TMOD1: variants seen among roughly 807,000 people sequenced by gnomAD.
The protein encoded by TMOD1 is tropomodulin 1.
TMOD1 carries 17 observed loss-of-function variants against 40.6 expected under a neutral mutation model. The ratio of observed to expected loss-of-function variants is 0.42; its 90% CI spans 0.29 to 0.63. The LOEUF (loss-of-function observed/expected upper bound fraction) is 0.63. TMOD1 is among the 20% of genes least tolerant of loss of function. The pLI is 0.22. For synonymous variants in TMOD1, 181 were observed against 175.0 expected, an observed-to-expected ratio of 1.03 and a Z score of -0.27; for missense variants, 391 against 447.6, an observed-to-expected ratio of 0.87 and a Z score of 1.14.
intron 7 of TMOD1, among the ~76,000 whole-genome samples, chr9:97,567,512 A>G (rs1309796111): frequency 6.6e-6 from 1 of 152,236 alleles, no homozygotes; most frequent in Non-Finnish European, 1.5e-5. Context: ...ACCTGGCAAG[A>G]CAGGGCCTCC....
chr9:97,559,577 C>A (rs1236276881), intron 4 of TMOD1, among the ~76,000 whole-genome samples: 1 of 150,626 alleles, frequency 6.6e-6, no homozygotes, highest in African/African-American at 2.4e-5. Context: ...CCAGCCCGGG[C>A]AACATGGTGA....
chr9:97,526,464 A>G (rs1038911533), intron 2 of TMOD1, among the ~76,000 whole-genome samples: 2 of 152,240 alleles, frequency 1.3e-5, no homozygotes, highest in African/African-American at 2.4e-5. Context: ...GCTATATCCC[A>G]GGCACCCAGG....
intron 2 of TMOD1, among the ~76,000 whole-genome samples, chr9:97,534,039 G>T (rs1377085855): frequency 6.6e-6 from 1 of 152,108 alleles, no homozygotes; most frequent in Admixed American, 6.5e-5. Flanking sequence ...GGGAGGGGGA[G>T]GGATAAAAGA....
At chr9:97,575,165 G>A (rs577284892) in intron 8 of TMOD1, among the ~76,000 whole-genome samples, 2 of 152,290 alleles carry the variant, frequency 1.3e-5, no homozygotes, top group Admixed American at 1.3e-4. Context: ...TCACCGCGAA[G>A]GTCTGCAGCT....
At chr9:97,521,811 G>A (rs755060465) in intron 1 of TMOD1, among the ~76,000 whole-genome samples, 1 of 152,222 alleles carries the variant, frequency 6.6e-6, no homozygotes, top group Non-Finnish European at 1.5e-5. Context: ...CAAATAGGCC[G>A]ACACATGCAC....
chr9:97,564,183 T>C lies in TMOD1; in HGVS notation c.618+15T>C. On this transcript the variant is annotated intron_variant, in intron 6 of 9. Coordinates refer to ENST00000259365, the MANE Select transcript of TMOD1 (RefSeq NM_003275.4). The stretch of plus-strand genomic sequence containing the variant: ...ATAATATCCGGGTAAGGTCCATTTA[T>C]TTCACTTTACCTGTGTGTGGCTGGG... The C allele has an allele frequency of 1.3e-6, 2 of 1,574,720 alleles. No homozygotes were observed. The highest frequency in any genetic ancestry group is 1.7e-6 in the Non-Finnish European group (2 of 1,159,194).
chr9:97,556,467 C>T (rs1457878752), intron 4 of TMOD1, among the ~76,000 whole-genome samples: 1 of 152,120 alleles, frequency 6.6e-6, no homozygotes, highest in Admixed American at 6.5e-5. Context: ...GTGTGGGTAA[C>T]TCACTGGAGG....
intron 3 of TMOD1, among the ~76,000 whole-genome samples, chr9:97,548,624 C>T (rs189478587): frequency 6.8e-4 from 104 of 152,188 alleles, no homozygotes; most frequent in Admixed American, 1.1e-3. Flanking sequence ...GGAGTCTGAA[C>T]GGTACAGAAA....
chr9:97,541,038 T>A (rs1305612995), intron 2 of TMOD1, among the ~76,000 whole-genome samples: 1 of 152,212 alleles, frequency 6.6e-6, no homozygotes, highest in Non-Finnish European at 1.5e-5. Flanking sequence ...GCCATCCTGC[T>A]GGCTGTGAAA....
intron 2 of TMOD1, among the ~76,000 whole-genome samples, chr9:97,525,837 A>G (rs1830006630): frequency 6.6e-6 from 1 of 152,158 alleles, no homozygotes; most frequent in African/African-American, 2.4e-5. Flanking sequence ...CTTCCATTTT[A>G]ATGGAATTGT....
At position 97,600,983 on chromosome 9, in the gene TMOD1, A is replaced by G. The variant is rs1463329601; in HGVS notation, c.*1285A>G. ...AATCTCATGATAAAGGACAAGGTCA[A>G]GAACTCCAGAGCACTGAGCAGAGAG... On this transcript the variant is annotated 3_prime_UTR_variant, in exon 10 of 10. Transcript: ENST00000259365. The G allele has an allele frequency of 2.5e-6, 3 of 1,210,558 alleles. No individual in the cohort carries two copies. The highest frequency in any genetic ancestry group is 1.3e-4 in the East Asian group (2 of 15,080). The allele number at this position is 1,210,558 out of a possible 1,614,324, so 75.0% of individuals were successfully genotyped here.
Position 97,600,566 on chromosome 9 carries a change from A to T in TMOD1, c.*868A>T. On this transcript the variant is annotated 3_prime_UTR_variant, in exon 10 of 10. Transcript: ENST00000259365. ...GCAAATGGCTTATGTGAGGTAAGACACTAGAGGGATAAATTTCCAGATCAA... is the reference window on the plus strand; with the variant it reads ...GCAAATGGCTTATGTGAGGTAAGACTCTAGAGGGATAAATTTCCAGATCAA... The T allele has an allele frequency of 1.0e-6, 1 of 986,448 alleles. No individual in the cohort carries two copies. The highest frequency in any genetic ancestry group is 1.2e-6 in the Non-Finnish European group (1 of 830,682). The allele number at this position is 986,448 out of a possible 1,614,324, so 61.1% of individuals were successfully genotyped here. A position where few individuals can be genotyped will look rare whatever the true frequency, so the allele number is the denominator to read the frequency against.
At chr9:97,546,128 C>CTCTCTT in intron 2 of TMOD1, 57 bp from the exon 3 acceptor site, 2 of 1,540,460 alleles carry the variant, frequency 1.3e-6, no homozygotes, top group South Asian at 1.3e-5. Flanking sequence ...GCTGACCACT[C>CTCTCTT]TCTCTTTCTC....
chr9:97,599,628 T>G lies in TMOD1; in HGVS notation c.1016-6T>G. On this transcript the variant is annotated splice_polypyrimidine_tract_variant and splice_region_variant and intron_variant, in intron 9 of 9. Transcript: ENST00000259365. Reference sequence around the variant, plus strand: ...TGCCTTATATCTTATCTCCATTCCTTTCCAGTGAGGAAGAGGAGGCTTGCG... The same window carrying G: ...TGCCTTATATCTTATCTCCATTCCTGTCCAGTGAGGAAGAGGAGGCTTGCG... The G allele has an allele frequency of 1.2e-6, 2 of 1,614,116 alleles. No homozygotes were observed. The highest frequency in any genetic ancestry group is 1.7e-6 in the Non-Finnish European group (2 of 1,179,974).
In TMOD1 at chr9:97,600,716, G is replaced by T; in HGVS notation, c.*1018G>T. 9.9e-7 allele frequency: 1 copy of T among 1,005,482 alleles called. No homozygotes were observed. Among genetic ancestry groups the T allele is most frequent in the Non-Finnish European group, 1.2e-6 (1 of 842,066 alleles). 62.3% of individuals were successfully genotyped at this position (1,005,482 alleles called of 1,614,324 possible). On this transcript the variant is annotated 3_prime_UTR_variant, in exon 10 of 10. Transcript: ENST00000259365. ...AGCCTCCGCAGGATGCCGGACAATG[G>T]TGAAGAAACTCCAGATATCAAGGAA...
At chr9:97,575,031 T>A (rs983537536) in intron 8 of TMOD1, among the ~76,000 whole-genome samples, 7 of 152,158 alleles carry the variant, frequency 4.6e-5, no homozygotes, top group Non-Finnish European at 7.4e-5. Flanking sequence ...GGCTGCCGGA[T>A]AACGCAGTGG....
intron 1 of TMOD1, among the ~76,000 whole-genome samples, chr9:97,503,727 A>C (rs968622953): frequency 6.6e-6 from 1 of 152,220 alleles, no homozygotes; most frequent in Non-Finnish European, 1.5e-5. Flanking sequence ...CAGAAAACAC[A>C]AAGTAGGTGT....
At chr9:97,584,281 G>A (rs1202935660) in intron 8 of TMOD1, among the ~76,000 whole-genome samples, 2 of 152,182 alleles carry the variant, frequency 1.3e-5, no homozygotes, top group African/African-American at 2.4e-5. Context: ...TCAGGAGCAG[G>A]TTGTTCAGTT....
At chr9:97,599,478 T>C (rs936525699) in intron 9 of TMOD1, among the ~76,000 whole-genome samples, 156 bp from the exon 10 acceptor site, 1 of 152,224 alleles carries the variant, frequency 6.6e-6, no homozygotes, top group East Asian at 1.9e-4. Context: ...GGAGGGCTGT[T>C]GTACAACTCA....
Sources: gnomAD v4.1 joint callset for allele counts (sites outside exome capture counted in the v4.1 genomes callset) on GRCh38, gnomAD v4.1.1 for gene constraint, MANE v1.5 for transcripts, NCBI Gene and HGNC (gene_info 2026-07-23, HGNC 2026-07-21) for gene names.